The following CRTC3 variants were observed in gnomAD, a reference collection of about 807,000 sequenced individuals.
The protein encoded by CRTC3 is CREB-regulated transcription coactivator 3.
In CRTC3, 26 loss-of-function variants were observed where a neutral mutation model predicts 74.5. That is an observed-to-expected ratio of 0.35 (90% CI 0.26 to 0.48). The LOEUF (loss-of-function observed/expected upper bound fraction) is 0.48. Ranked by LOEUF, CRTC3 falls within the 20% of genes least tolerant of loss-of-function variation. CRTC3 has a pLI of 0.99. For synonymous variants in CRTC3, 377 were observed against 325.8 expected, an observed-to-expected ratio of 1.16 and a Z score of -1.69; for missense variants, 760 against 787.3, an observed-to-expected ratio of 0.97 and a Z score of 0.41.
intron 4 of CRTC3, 115 bp downstream of exon 4, chr15:90,602,500 TTTCTC>T (rs1482311253): frequency 4.5e-6 from 3 of 668,172 alleles, no homozygotes; most frequent in Non-Finnish European, 7.9e-6. Context: ...AGAATCCTGT[TTTCTC>T]TTATAACATT....
intron 6 of CRTC3, among the ~76,000 whole-genome samples, chr15:90,608,463 A>G (rs568965766): frequency 2.0e-5 from 3 of 149,412 alleles, no homozygotes; most frequent in Non-Finnish European, 4.5e-5. Flanking sequence ...TCTCTCTCTC[A>G]CTCCTGGCCA....
intron 2 of CRTC3, among the ~76,000 whole-genome samples, chr15:90,555,159 C>T (rs1468960161): frequency 2.0e-5 from 3 of 152,158 alleles, no homozygotes; most frequent in South Asian, 2.1e-4. Flanking sequence ...ATGTACCACT[C>T]GTGCTCTTCC....
At chr15:90,551,212 G>A (rs1339233610) in intron 2 of CRTC3, among the ~76,000 whole-genome samples, 2 of 152,064 alleles carry the variant, frequency 1.3e-5, no homozygotes, top group Admixed American at 6.6e-5. Flanking sequence ...AATGAATGCG[G>A]AATAAATGCA....
intron 2 of CRTC3, among the ~76,000 whole-genome samples, chr15:90,586,994 G>C (rs951122307): frequency 1.3e-5 from 2 of 152,240 alleles, no homozygotes; most frequent in Non-Finnish European, 2.9e-5. Context: ...TGGTTTACCA[G>C]TCAAGTAAGA....
chr15:90,632,204 A>G (rs977844992), intron 11 of CRTC3, among the ~76,000 whole-genome samples: 2 of 151,988 alleles, frequency 1.3e-5, no homozygotes, highest in Non-Finnish European at 2.9e-5. Flanking sequence ...TATAAGATCT[A>G]AAAGTATTCT....
rs1969561517 is a variant in CRTC3 at position 90,644,568 on chromosome 15, A to T, written c.*2428A>T. Reference sequence around the variant, plus strand: ...AAACAGACCTCCGGGGAAGTGATTTATTGGGGGTGTACACTGGGGGCAATA... The same window carrying T: ...AAACAGACCTCCGGGGAAGTGATTTTTTGGGGGTGTACACTGGGGGCAATA... On this transcript the variant is annotated 3_prime_UTR_variant, in exon 15 of 15. Transcript: ENST00000268184. The T allele has an allele frequency of 4.3e-6, 1 of 232,398 alleles. No individual in the cohort carries two copies. Among genetic ancestry groups the T allele is most frequent in the East Asian group, 6.1e-5 (1 of 16,448 alleles). The allele number at this position is 232,398 out of a possible 1,614,324, so 14.4% of individuals were successfully genotyped here.
chr15:90,563,740 A>T (rs1196118979), intron 2 of CRTC3, among the ~76,000 whole-genome samples: 1 of 152,246 alleles, frequency 6.6e-6, no homozygotes, highest in Non-Finnish European at 1.5e-5. Context: ...TTACTCAGCT[A>T]GTAAGTGGCT....
chr15:90,626,512 G>T (rs556720790), intron 10 of CRTC3, among the ~76,000 whole-genome samples: 2 of 152,174 alleles, frequency 1.3e-5, no homozygotes, highest in South Asian at 4.1e-4. Flanking sequence ...ATATAAAGAT[G>T]CTACCCATAA....
At chr15:90,553,690 T>C (rs1013713522) in intron 2 of CRTC3, among the ~76,000 whole-genome samples, 1 of 152,294 alleles carries the variant, frequency 6.6e-6, no homozygotes, top group Middle Eastern at 3.4e-3. Flanking sequence ...TCCTACGTGC[T>C]CTCAATTGTT....
intron 2 of CRTC3, among the ~76,000 whole-genome samples, chr15:90,556,089 T>C (rs1444035104): frequency 1.3e-5 from 2 of 152,074 alleles, no homozygotes; most frequent in Non-Finnish European, 2.9e-5. Flanking sequence ...ATTTTTTTCT[T>C]TTTCAACCAT....
intron 2 of CRTC3, among the ~76,000 whole-genome samples, chr15:90,582,522 G>A (rs1967566925): frequency 6.6e-6 from 1 of 152,144 alleles, no homozygotes; most frequent in Non-Finnish European, 1.5e-5. Context: ...TCAACACTTT[G>A]CATTTAAACT....
chr15:90,546,401 A>G (rs7162041), intron 2 of CRTC3, among the ~76,000 whole-genome samples: 101,718 of 151,958 alleles, frequency 0.67, 35,579 homozygotes, highest in Non-Finnish European at 0.77. Context: ...TTCTTTGTCT[A>G]TCATTTTGCT....
chr15:90,633,199 TAATA>T (rs774353689), intron 11 of CRTC3, among the ~76,000 whole-genome samples: 2 of 152,204 alleles, frequency 1.3e-5, no homozygotes, highest in Non-Finnish European at 2.9e-5. Context: ...TCTTGGGAGT[TAATA>T]AATGTCTGAC....
intron 2 of CRTC3, among the ~76,000 whole-genome samples, chr15:90,589,645 C>T (rs1389190098): frequency 3.3e-5 from 5 of 152,230 alleles, no homozygotes; most frequent in Non-Finnish European, 7.3e-5. Context: ...AGGCGTGAGC[C>T]ACTACAACCA....
chr15:90,570,202 G>A (rs73490357), intron 2 of CRTC3, among the ~76,000 whole-genome samples: 1 of 152,084 alleles, frequency 6.6e-6, no homozygotes. Context: ...TTTTAAAAAT[G>A]TGGCTTAAAA....
intron 1 of CRTC3, among the ~76,000 whole-genome samples, chr15:90,531,821 C>T (rs3862432): frequency 0.67 from 101,540 of 151,996 alleles, 35,000 homozygotes; most frequent in Non-Finnish European, 0.76. Flanking sequence ...GTCTGTATAC[C>T]TATGGCGGAT....
chr15:90,636,773 C>T (rs1969254265), intron 11 of CRTC3, among the ~76,000 whole-genome samples: 3 of 152,230 alleles, frequency 2.0e-5, no homozygotes, highest in Admixed American at 2.0e-4. Context: ...CAAAAGAAGA[C>T]ATTTATGCAG....
chr15:90,567,806 A>G (rs1035944970), intron 2 of CRTC3, among the ~76,000 whole-genome samples: 3 of 152,188 alleles, frequency 2.0e-5, no homozygotes, highest in Admixed American at 6.5e-5. Flanking sequence ...TTCTAACACA[A>G]CATCTGTTCT....
At chr15:90,635,203 T>TAA (rs1468894587) in intron 11 of CRTC3, among the ~76,000 whole-genome samples, 1 of 151,534 alleles carries the variant, frequency 6.6e-6, no homozygotes, top group Non-Finnish European at 1.5e-5. Context: ...CATTTCCAAA[T>TAA]AAAAATATGT....
Sources: allele counts gnomAD v4.1 joint callset (sites outside exome capture counted in the v4.1 genomes callset), GRCh38; gene constraint gnomAD v4.1.1; transcripts MANE v1.5; gene names NCBI Gene and HGNC (gene_info 2026-07-23, HGNC 2026-07-21).